DLG2: variants seen among roughly 807,000 people sequenced by gnomAD.
DLG2 encodes the protein disks large homolog 2.
Under a neutral mutation model 132.5 loss-of-function variants are expected in DLG2, and 45 were observed. The ratio of observed to expected loss-of-function variants is 0.34; its 90% CI spans 0.27 to 0.44. The LOEUF (loss-of-function observed/expected upper bound fraction) is 0.44, where lower values mean the gene tolerates loss of function less well. Among genes scored for constraint, DLG2 ranks in the 20% least tolerant of loss-of-function variants. DLG2 has a pLI of 1.00. For missense variants in DLG2, 1,045 were observed against 1,196.9 expected, an observed-to-expected ratio of 0.87 and a Z score of 1.87; for synonymous variants, 424 against 419.6, an observed-to-expected ratio of 1.01 and a Z score of -0.13.
At chr11:84,136,168 G>A (rs946126846) in intron 9 of DLG2, among the ~76,000 whole-genome samples, 2 of 152,074 alleles carry the variant, frequency 1.3e-5, no homozygotes, top group African/African-American at 4.8e-5. Flanking sequence ...TAAATATTGA[G>A]TAACTTACTT....
intron 8 of DLG2, among the ~76,000 whole-genome samples, chr11:84,220,114 G>C (rs537314332): frequency 7.9e-5 from 12 of 152,064 alleles, no homozygotes. Flanking sequence ...ACTCTCCTTA[G>C]TGTCTCTCTT....
chr11:85,265,621 T>G (rs965757840), intron 4 of DLG2, among the ~76,000 whole-genome samples: 1 of 152,318 alleles, frequency 6.6e-6, no homozygotes, highest in Non-Finnish European at 1.5e-5. Flanking sequence ...AGTGAGAACT[T>G]CTATTCCTGT....
chr11:85,383,396 C>T (rs2086062624), intron 3 of DLG2, among the ~76,000 whole-genome samples: 2 of 152,104 alleles, frequency 1.3e-5, no homozygotes, highest in Non-Finnish European at 2.9e-5. Context: ...GCTATAACTG[C>T]ATAACTTTGT....
intron 6 of DLG2, among the ~76,000 whole-genome samples, chr11:85,097,339 C>G (rs1413145376): frequency 1.3e-5 from 2 of 152,186 alleles, no homozygotes; most frequent in Admixed American, 6.5e-5. Flanking sequence ...TTTAGGATCT[C>G]TCCTCAGACT....
At chr11:84,535,376 A>G (rs186872020) in intron 6 of DLG2, among the ~76,000 whole-genome samples, 1 of 152,324 alleles carries the variant, frequency 6.6e-6, no homozygotes, top group East Asian at 1.9e-4. Context: ...CTTTTAAAGA[A>G]CTTTAAAAAT....
At chr11:83,693,882 A>T (rs1303726296) in intron 18 of DLG2, 4 of 152,078 alleles carry the variant, frequency 2.6e-5, no homozygotes, top group Non-Finnish European at 5.9e-5. Flanking sequence ...CCCTCATGCA[A>T]TTGTGTCAAA....
intron 11 of DLG2, among the ~76,000 whole-genome samples, chr11:84,014,702 C>T (rs1309222279): frequency 2.0e-5 from 3 of 152,148 alleles, no homozygotes. Context: ...GCTAATAAAT[C>T]AGGAAGAGGG....
chr11:85,484,126 C>T (rs1345862145), intron 3 of DLG2, among the ~76,000 whole-genome samples: 1 of 151,868 alleles, frequency 6.6e-6, no homozygotes, highest in Non-Finnish European at 1.5e-5. Context: ...GGGCGTGAAA[C>T]CGTTAAGAGG....
At chr11:83,936,733 C>T (rs12273905) in intron 14 of DLG2, among the ~76,000 whole-genome samples, 11,565 of 152,202 alleles carry the variant, frequency 0.076, 603 homozygotes, top group Non-Finnish European at 0.12. Flanking sequence ...AAATTAGGCT[C>T]TCTCACGGCA....
chr11:84,930,706 C>T (rs2047984908), intron 6 of DLG2, among the ~76,000 whole-genome samples: 1 of 152,162 alleles, frequency 6.6e-6, no homozygotes, highest in South Asian at 2.1e-4. Flanking sequence ...TTGCTCCTCT[C>T]AGTGTATGTT....
intron 3 of DLG2, among the ~76,000 whole-genome samples, chr11:85,583,130 G>GTGTGTGTGTATATATATA (rs1555190569): frequency 1.5e-4 from 2 of 13,606 alleles, no homozygotes; most frequent in African/African-American, 4.0e-4. Context: ...GTGTGTGTGT[G>GTGTGTGTGTATATATATA]TATATATATA....
At chr11:84,147,358 A>C (rs894611562) in intron 9 of DLG2, among the ~76,000 whole-genome samples, 1 of 152,152 alleles carries the variant, frequency 6.6e-6, no homozygotes, top group East Asian at 1.9e-4. Flanking sequence ...AGTTCCCTAA[A>C]AGGAGGAGGA....
intron 7 of DLG2, among the ~76,000 whole-genome samples, chr11:84,255,348 G>A (rs1035762965): frequency 1.3e-5 from 2 of 152,008 alleles, no homozygotes; most frequent in African/African-American, 4.8e-5. Flanking sequence ...TTTTGAGATG[G>A]GGTCTCGCTC....
At chr11:84,459,147 C>T (rs2099073534) in intron 7 of DLG2, among the ~76,000 whole-genome samples, 1 of 150,522 alleles carries the variant, frequency 6.6e-6, no homozygotes, top group Non-Finnish European at 1.5e-5. Context: ...TTTATGAACA[C>T]TATGTTTTGA....
At chr11:84,243,017 CTATA>C (rs71465003) in intron 8 of DLG2, among the ~76,000 whole-genome samples, 42 of 142,204 alleles carry the variant, frequency 3.0e-4, no homozygotes, top group African/African-American at 7.9e-4. Context: ...CTCTCTCTCT[CTATA>C]TATATATATA....
At chr11:84,630,979 TTCTCTCTCTCTCTC>T (rs369904915) in intron 6 of DLG2, among the ~76,000 whole-genome samples, 29 of 51,238 alleles carry the variant, frequency 5.7e-4, no homozygotes, top group African/African-American at 2.0e-3. Flanking sequence ...TTAAATGCAT[TTCTCTCTCTCTCTC>T]TCTCTCTCTC....
chr11:83,708,417 G>A (rs2084571464), intron 18 of DLG2, among the ~76,000 whole-genome samples: 1 of 152,202 alleles, frequency 6.6e-6, no homozygotes, highest in African/African-American at 2.4e-5. Flanking sequence ...CTGACAGGGA[G>A]AAAGTATCAG....
intron 4 of DLG2, among the ~76,000 whole-genome samples, chr11:85,272,557 C>G (rs2077602336): frequency 6.6e-6 from 1 of 152,242 alleles, no homozygotes; most frequent in Non-Finnish European, 1.5e-5. Flanking sequence ...ACATTATTAA[C>G]AGTCTGCTTT....
intron 2 of DLG2, among the ~76,000 whole-genome samples, chr11:85,616,955 CT>C (rs2081380517): frequency 6.6e-6 from 1 of 152,180 alleles, no homozygotes; most frequent in African/African-American, 2.4e-5. Flanking sequence ...CAGAAGTAAG[CT>C]GTTTTATATA....
Sources: gnomAD v4.1 joint callset for allele counts (sites outside exome capture counted in the v4.1 genomes callset) on GRCh38, gnomAD v4.1.1 for gene constraint, MANE v1.5 for transcripts, NCBI Gene and HGNC (gene_info 2026-07-23, HGNC 2026-07-21) for gene names.